The following RAP1A variants were observed in gnomAD, a reference collection of about 807,000 sequenced individuals.
RAP1A encodes ras-related protein Rap-1A.
A neutral mutation model predicts 26.4 loss-of-function variants in RAP1A; 6 were observed. That is an observed-to-expected ratio of 0.23 (90% CI 0.12 to 0.45). The LOEUF is 0.45. Among genes scored for constraint, RAP1A ranks in the 20% least tolerant of loss-of-function variants. The probability of loss-of-function intolerance (pLI) is 0.99; values close to 1 mark genes in which losing one functional copy is unlikely to be tolerated. For synonymous variants in RAP1A, 73 were observed against 79.4 expected (o/e 0.92, Z 0.43); for missense variants, 121 against 217.2 (o/e 0.56, Z 2.78).
chr1:111,617,046 A>ATG (rs1491442262), upstream of RAP1A, among the ~76,000 whole-genome samples: 1 of 151,990 alleles, frequency 6.6e-6, no homozygotes, highest in Non-Finnish European at 1.5e-5. Context: ...GTGTATGCGC[A>ATG]TGTGTGTGTG....
intron 1 of RAP1A, among the ~76,000 whole-genome samples, chr1:111,603,793 C>A (rs942307659): frequency 1.3e-5 from 2 of 152,164 alleles, no homozygotes; most frequent in Non-Finnish European, 2.9e-5. Flanking sequence ...AAAAAAACTT[C>A]CTTCTCTTTT....
At chr1:111,660,555 A>T (rs1407456880) in intron 1 of RAP1A, among the ~76,000 whole-genome samples, 2 of 151,640 alleles carry the variant, frequency 1.3e-5, no homozygotes, top group Non-Finnish European at 2.9e-5. Flanking sequence ...CTGCACTGCT[A>T]CTCCTTTGGT....
At chr1:111,674,720 T>C (rs960432842) in intron 1 of RAP1A, among the ~76,000 whole-genome samples, 3 of 152,240 alleles carry the variant, frequency 2.0e-5, no homozygotes, top group African/African-American at 7.2e-5. Flanking sequence ...CTAGGAGTTA[T>C]CACTGACTCT....
chr1:111,673,858 A>G (rs1661047531), intron 1 of RAP1A, among the ~76,000 whole-genome samples: 1 of 152,130 alleles, frequency 6.6e-6, no homozygotes, highest in African/African-American at 2.4e-5. Flanking sequence ...TATTTATTAT[A>G]TTTGTGAGTG....
In RAP1A at chr1:111,613,157, T is replaced by G. The variant is rs573091133; in HGVS notation, c.-28+70648T>G. On this transcript the variant is annotated intron_variant, in intron 1 of 7. Transcript: ENST00000356415. ...TTTTTTGGTGAAAACGTAGGGTTTT[T>G]TTTTTTTTTAAGTTTTAAATCTGTT... is the stretch of plus-strand genomic sequence containing the variant. 1.8e-4 allele frequency among the ~76,000 whole-genome samples: 27 copies of G among 152,032 alleles called. 1 individual carries two copies. The highest frequency in any genetic ancestry group is 1.0e-3 in the Admixed American group (16 of 15,282).
chr1:111,652,728 G>A (rs1660313625), intron 1 of RAP1A, among the ~76,000 whole-genome samples: 1 of 152,138 alleles, frequency 6.6e-6, no homozygotes, highest in South Asian at 2.1e-4. Flanking sequence ...ACAAGTGTTG[G>A]CCAGGATGTA....
intron 1 of RAP1A, among the ~76,000 whole-genome samples, chr1:111,593,184 A>G (rs1321729060): frequency 6.6e-6 from 1 of 152,076 alleles, no homozygotes; most frequent in Non-Finnish European, 1.5e-5. Flanking sequence ...CCCCTCGGGA[A>G]CTGTTCACAC....
chr1:111,559,524 T>C (rs1657646370), intron 1 of RAP1A, among the ~76,000 whole-genome samples: 1 of 152,146 alleles, frequency 6.6e-6, no homozygotes, highest in Non-Finnish European at 1.5e-5. Flanking sequence ...GGTAAATCAT[T>C]TTTTCTCACT....
chr1:111,603,937 T>A (rs1420904818), intron 1 of RAP1A, among the ~76,000 whole-genome samples: 2 of 152,220 alleles, frequency 1.3e-5, no homozygotes, highest in African/African-American at 2.4e-5. Context: ...AATGTAGACA[T>A]TTTGCTCCTG....
Position 111,709,230 on chromosome 1 carries a change from C to T in RAP1A, c.550C>T (p.Leu184Phe). 6.2e-7 allele frequency: 1 copy of T among 1,610,676 alleles called. No homozygotes were observed. The highest frequency in any genetic ancestry group is 8.5e-7 in the Non-Finnish European group (1 of 1,179,058). Residue 184 changes from leucine (L) to phenylalanine (F), a missense_variant, in exon 7 of 8, where the codon CTC becomes TTC. Physicochemically the swap from Leu to Phe is conservative, Grantham distance 22. Transcript: ENST00000369709. The part of the protein sequence containing the change: ...KKPKKKSCLL[L>F] Reference sequence around the variant, plus strand: ...GCCTAAAAAGAAATCATGTCTGCTGCTCTAGGCCCATAGTCAGCAGCAGCT... The same window carrying T: ...GCCTAAAAAGAAATCATGTCTGCTGTTCTAGGCCCATAGTCAGCAGCAGCT...
At chr1:111,550,288 A>C (rs1657208145) in intron 1 of RAP1A, among the ~76,000 whole-genome samples, 1 of 152,116 alleles carries the variant, frequency 6.6e-6, no homozygotes, top group Non-Finnish European at 1.5e-5. Context: ...TTCTGGCTTC[A>C]TTGATTTTCT....
chr1:111,558,525 T>C (rs543713633), intron 1 of RAP1A, among the ~76,000 whole-genome samples: 5 of 152,184 alleles, frequency 3.3e-5, no homozygotes, highest in African/African-American at 1.2e-4. Context: ...AAATCCACAT[T>C]TGCTATTTAT....
intron 3 of RAP1A, among the ~76,000 whole-genome samples, chr1:111,696,416 C>T (rs147491923): frequency 2.0e-5 from 3 of 152,190 alleles, no homozygotes; most frequent in Non-Finnish European, 2.9e-5. Flanking sequence ...GCTCTAGATA[C>T]ATCAAGAAAC....
chr1:111,648,257 CT>C, intron 1 of RAP1A: 1 of 736,124 alleles, frequency 1.4e-6, no homozygotes, highest in Non-Finnish European at 2.1e-6. Flanking sequence ...TGGCTTCCTG[CT>C]CCCCAAAGGG....
intron 1 of RAP1A, among the ~76,000 whole-genome samples, chr1:111,674,627 ATCTT>A (rs1025511003): frequency 6.6e-6 from 1 of 152,168 alleles, no homozygotes; most frequent in Non-Finnish European, 1.5e-5. Flanking sequence ...AGAAAGTATT[ATCTT>A]TCTTTTTAAA....
At chr1:111,673,366 A>C (rs1341496932) in intron 1 of RAP1A, among the ~76,000 whole-genome samples, 2 of 152,238 alleles carry the variant, frequency 1.3e-5, no homozygotes, top group Non-Finnish European at 1.5e-5. Context: ...AATTTCCTTT[A>C]ATGAATTTTG....
intron 1 of RAP1A, among the ~76,000 whole-genome samples, chr1:111,572,271 T>C (rs1019527983): frequency 6.6e-6 from 1 of 152,244 alleles, no homozygotes; most frequent in African/African-American, 2.4e-5. Flanking sequence ...CTCCTCAAGA[T>C]GGCAAACTCA....
intron 4 of RAP1A, among the ~76,000 whole-genome samples, chr1:111,701,280 C>T (rs987124050): frequency 6.6e-6 from 1 of 152,124 alleles, no homozygotes; most frequent in African/African-American, 2.4e-5. Context: ...GGGGCCTTTG[C>T]ATTTGCTCTT....
chr1:111,697,259 T>C (rs972723169), intron 3 of RAP1A, among the ~76,000 whole-genome samples, 182 bp from the exon 4 acceptor site: 2 of 152,218 alleles, frequency 1.3e-5, no homozygotes, highest in Non-Finnish European at 2.9e-5. Context: ...GTAATATGAA[T>C]AGACTGTACT....
Sources: allele counts gnomAD v4.1 joint callset (sites outside exome capture counted in the v4.1 genomes callset), GRCh38; gene constraint gnomAD v4.1.1; transcripts MANE v1.5; gene names NCBI Gene and HGNC (gene_info 2026-07-23, HGNC 2026-07-21).